CDK14: variants seen among roughly 807,000 people sequenced by gnomAD.
CDK14 encodes the protein cyclin dependent kinase 14.
In CDK14, 34 loss-of-function variants were observed where a neutral mutation model predicts 60.7. The ratio of observed to expected loss-of-function variants is 0.56; its 90% CI spans 0.43 to 0.75. The LOEUF (loss-of-function observed/expected upper bound fraction) is 0.75. Among genes scored for constraint, CDK14 ranks in the 30% least tolerant of loss-of-function variants. The pLI, the probability that CDK14 is intolerant of heterozygous loss-of-function variation, is 0.00. For missense variants in CDK14, 482 were observed against 564.1 expected (o/e 0.85, Z 1.47); for synonymous variants, 197 against 203.7 (o/e 0.97, Z 0.28).
chr7:91,016,440 T>C (rs988298860), intron 10 of CDK14, among the ~76,000 whole-genome samples: 2 of 152,168 alleles, frequency 1.3e-5, no homozygotes, highest in African/African-American at 4.8e-5. Context: ...GGTGGTACAA[T>C]GAACTAGATA....
At chr7:90,620,370 A>G (rs1362617204) in intron 2 of CDK14, among the ~76,000 whole-genome samples, 5 of 152,128 alleles carry the variant, frequency 3.3e-5, no homozygotes, top group South Asian at 4.1e-4. Flanking sequence ...GGCAATGACA[A>G]TGCTGTCTCT....
chr7:90,971,080 A>G (rs983338053), intron 9 of CDK14, among the ~76,000 whole-genome samples: 4 of 142,644 alleles, frequency 2.8e-5, no homozygotes, highest in Non-Finnish European at 6.1e-5. Flanking sequence ...CGCTCCCCCC[A>G]CCCCACAACA....
At chr7:90,706,202 C>T (rs1001708945) in intron 2 of CDK14, among the ~76,000 whole-genome samples, 4 of 152,134 alleles carry the variant, frequency 2.6e-5, no homozygotes, top group African/African-American at 9.7e-5. Context: ...TAAAGATATT[C>T]TTAACACCAT....
At chr7:91,125,987 G>T (rs897801724) in intron 14 of CDK14, among the ~76,000 whole-genome samples, 12 of 152,054 alleles carry the variant, frequency 7.9e-5, no homozygotes, top group Non-Finnish European at 1.8e-4. Flanking sequence ...ATTATAATGT[G>T]CAATTAAATC....
intron 11 of CDK14, among the ~76,000 whole-genome samples, chr7:91,058,508 G>A (rs957803696): frequency 6.6e-6 from 1 of 152,176 alleles, no homozygotes; most frequent in African/African-American, 2.4e-5. Context: ...AATGCTTCCA[G>A]TTTTTGCCCA....
intron 4 of CDK14, among the ~76,000 whole-genome samples, chr7:90,764,031 C>T (rs1246732998): frequency 2.0e-5 from 3 of 151,866 alleles, no homozygotes; most frequent in Non-Finnish European, 4.4e-5. Flanking sequence ...TTGCCAAAAA[C>T]CGAAATTTGA....
chr7:90,746,762 T>G (rs555663973), intron 3 of CDK14, among the ~76,000 whole-genome samples: 1 of 152,186 alleles, frequency 6.6e-6, no homozygotes, highest in Admixed American at 6.5e-5. Flanking sequence ...TCACTCTCTC[T>G]TAGCATTTTT....
chr7:90,852,001 T>C (rs543882699), intron 5 of CDK14, among the ~76,000 whole-genome samples: 1 of 152,160 alleles, frequency 6.6e-6, no homozygotes, highest in Middle Eastern at 3.4e-3. Flanking sequence ...TGGGTTCAGG[T>C]GATTCTCTTG....
chr7:91,000,088 T>A (rs1216595764), intron 10 of CDK14, among the ~76,000 whole-genome samples: 2 of 152,238 alleles, frequency 1.3e-5, no homozygotes, highest in Non-Finnish European at 2.9e-5. Context: ...AATTTTTTTT[T>A]ATTGCTTCAG....
At chr7:91,036,625 T>G (rs1796942205) in intron 10 of CDK14, among the ~76,000 whole-genome samples, 2 of 152,214 alleles carry the variant, frequency 1.3e-5, no homozygotes, top group Non-Finnish European at 2.9e-5. Flanking sequence ...ACCTTTATGT[T>G]TCACTTCCAC....
At chr7:90,909,559 CTTA>C (rs1327109343) in intron 7 of CDK14, among the ~76,000 whole-genome samples, 1 of 151,918 alleles carries the variant, frequency 6.6e-6, no homozygotes, top group African/African-American at 2.4e-5. Flanking sequence ...CCTCACTTGA[CTTA>C]TTATAAGTCT....
In CDK14 at chr7:90,686,367, G is replaced by A. The variant is rs559728420; in HGVS notation, c.124-40200G>A. 8.5e-5 allele frequency among the ~76,000 whole-genome samples: 13 copies of A among 152,260 alleles called. No homozygotes were observed. The South Asian group carries it at 2.3e-3, about 27-fold the overall frequency. On this transcript the variant is annotated intron_variant, in intron 2 of 14. Coordinates refer to ENST00000380050, the MANE Select transcript of CDK14 (RefSeq NM_001287135.2). ...CTCTCAAAAGGCAGTTTAATTCAGCGAGAAGAAGTCTTGGATCATTACCAT... is the reference window on the plus strand; with the variant it reads ...CTCTCAAAAGGCAGTTTAATTCAGCAAGAAGAAGTCTTGGATCATTACCAT...
intron 5 of CDK14, among the ~76,000 whole-genome samples, chr7:90,819,065 T>C (rs1274460110): frequency 6.6e-6 from 1 of 152,120 alleles, no homozygotes; most frequent in Non-Finnish European, 1.5e-5. Context: ...ATGAAGCATC[T>C]AGGCAAATTC....
At chr7:90,709,776 T>C in intron 2 of CDK14, 1 of 1,428,910 alleles carries the variant, frequency 7.0e-7, no homozygotes, top group Non-Finnish European at 9.2e-7. Flanking sequence ...TGGGCTTTTT[T>C]TTTTTTGCTT....
chr7:90,943,040 G>A (rs1485019669), intron 8 of CDK14, among the ~76,000 whole-genome samples: 11 of 152,014 alleles, frequency 7.2e-5, no homozygotes, highest in Non-Finnish European at 8.8e-5. Flanking sequence ...AAGTTAACTC[G>A]TTGAGAGGCA....
intron 4 of CDK14, among the ~76,000 whole-genome samples, chr7:90,775,118 T>C (rs1200301052): frequency 6.6e-6 from 1 of 152,170 alleles, no homozygotes; most frequent in African/African-American, 2.4e-5. Context: ...AGAGGGGGCA[T>C]TTATGACTCT....
chr7:90,847,406 T>C (rs1790504538), intron 5 of CDK14, among the ~76,000 whole-genome samples: 2 of 152,106 alleles, frequency 1.3e-5, no homozygotes, highest in Non-Finnish European at 2.9e-5. Context: ...TTAGCTACAT[T>C]TATAATATAA....
chr7:90,943,695 C>A (rs942508815), intron 8 of CDK14, among the ~76,000 whole-genome samples: 1 of 152,050 alleles, frequency 6.6e-6, no homozygotes, highest in Non-Finnish European at 1.5e-5. Flanking sequence ...TACTTCTTAC[C>A]CCCTAAAGGG....
intron 2 of CDK14, among the ~76,000 whole-genome samples, chr7:90,719,568 C>T (rs17716140): frequency 0.066 from 10,111 of 152,164 alleles, 445 homozygotes; most frequent in East Asian, 0.19. Context: ...GAATTTCTAA[C>T]AATTTTTACT....
Sources: allele counts gnomAD v4.1 joint callset (sites outside exome capture counted in the v4.1 genomes callset), GRCh38; gene constraint gnomAD v4.1.1; transcripts MANE v1.5; gene names NCBI Gene and HGNC (gene_info 2026-07-23, HGNC 2026-07-21).